Variants in RIMS1 observed in about 807,000 individuals in gnomAD.
RIMS1 encodes the protein regulating synaptic membrane exocytosis protein 1.
Under a neutral mutation model 214.1 loss-of-function variants are expected in RIMS1, and 83 were observed. That is an observed-to-expected ratio of 0.39 (90% CI 0.32 to 0.47). RIMS1 has a LOEUF of 0.47. Ranked by LOEUF, RIMS1 falls within the 20% of genes least tolerant of loss-of-function variation. The pLI is 0.99. For missense variants in RIMS1, 2,050 were observed against 2,161.8 expected, an observed-to-expected ratio of 0.95 and a Z score of 1.03; for synonymous variants, 793 against 786.8, an observed-to-expected ratio of 1.01 and a Z score of -0.13.
chr6:71,904,922 T>A (rs1343874745), intron 1 of RIMS1, among the ~76,000 whole-genome samples: 1 of 152,164 alleles, frequency 6.6e-6, no homozygotes, highest in East Asian at 1.9e-4. Context: ...TTGAAAGGTT[T>A]GGTTTCATGA....
At chr6:72,285,970 G>A (rs1332492558) in intron 24 of RIMS1, among the ~76,000 whole-genome samples, 2 of 152,058 alleles carry the variant, frequency 1.3e-5, no homozygotes, top group Non-Finnish European at 2.9e-5. Flanking sequence ...GGCCAAGGCG[G>A]GCAGATCATC....
chr6:72,356,316 A>T lies in RIMS1; in HGVS notation c.4366+22481A>T, dbSNP rs187619161. Reference sequence around the variant, plus strand: ...TGCCAAGGTAAGTTTAAAAAAAAAAAAAATGATGTTCTGTGTTTCTTAAAC... The same window carrying T: ...TGCCAAGGTAAGTTTAAAAAAAAAATAAATGATGTTCTGTGTTTCTTAAAC... On this transcript the variant is annotated intron_variant, in intron 29 of 33. Transcript: ENST00000521978. Among the ~76,000 whole-genome samples, 1,141 of 152,294 alleles carry T rather than the reference A, an allele frequency of 7.5e-3. 15 individuals carry two copies. The highest frequency in any genetic ancestry group is 0.026 in the African/African-American group (1,092 of 41,562).
intron 7 of RIMS1, 101 bp downstream of exon 7, chr6:72,233,941 A>AG: frequency 1.3e-6 from 1 of 748,770 alleles, no homozygotes; most frequent in Middle Eastern, 2.3e-4. Flanking sequence ...TCATTTGGTA[A>AG]GGGCAAATAT....
intron 2 of RIMS1, among the ~76,000 whole-genome samples, chr6:72,008,933 A>G (rs914157530): frequency 1.3e-5 from 2 of 152,180 alleles, no homozygotes; most frequent in Non-Finnish European, 2.9e-5. Context: ...AAAGTTAACA[A>G]GGATACCCAG....
rs1781377928 is a variant in RIMS1 at position 71,925,688 on chromosome 6, G to A, written c.164+38501G>A. Among the ~76,000 whole-genome samples the A allele has an allele frequency of 2.0e-5, 3 of 152,162 alleles. No homozygotes were observed. In the South Asian group the frequency reaches 6.2e-4, roughly 32 times the overall value. ...GTGGGAAAGGCAAAGGTGCAAAATG[G>A]TCCAGCTGTTTAAGTTAGTGACTGG... is the stretch of plus-strand genomic sequence containing the variant. On this transcript the variant is annotated intron_variant, in intron 1 of 33. Transcript: ENST00000521978.
In RIMS1 at chr6:72,105,549, A is replaced by G. The variant is rs551838754; in HGVS notation, c.471+5563A>G. Among the ~76,000 whole-genome samples the G allele has an allele frequency of 4.6e-5, 7 of 152,300 alleles. No homozygotes were observed. The East Asian group carries it at 1.3e-3, about 29-fold the overall frequency. ...AACTCATTCATTTATTCATTTATTC[A>G]GGGATTTTTAATTTAATTTTATTAT... On this transcript the variant is annotated intron_variant, in intron 4 of 33. Coordinates refer to ENST00000521978, the MANE Select transcript of RIMS1 (RefSeq NM_014989.7).
At chr6:71,900,273 G>A (rs953210723) in intron 1 of RIMS1, among the ~76,000 whole-genome samples, 2 of 151,990 alleles carry the variant, frequency 1.3e-5, no homozygotes, top group Non-Finnish European at 2.9e-5. Flanking sequence ...CCAGTCTTGT[G>A]GAAGAGGAAA....
intron 24 of RIMS1, 48 bp downstream of exon 24, chr6:72,284,166 AT>A: frequency 6.8e-7 from 1 of 1,466,474 alleles, no homozygotes; most frequent in Non-Finnish European, 9.5e-7. Flanking sequence ...TTAGGAATAT[AT>A]TTAGGGGTGC....
chr6:72,295,715 T>G (rs1215073680), intron 26 of RIMS1, among the ~76,000 whole-genome samples: 1 of 151,858 alleles, frequency 6.6e-6, no homozygotes, highest in African/African-American at 2.4e-5. Flanking sequence ...TGTTTTTGTT[T>G]CATTTTAAAT....
chr6:72,328,601 C>G (rs937165155), intron 28 of RIMS1, among the ~76,000 whole-genome samples: 2 of 151,632 alleles, frequency 1.3e-5, no homozygotes, highest in African/African-American at 4.8e-5. Context: ...ACAACTATCC[C>G]TATGGTATAC....
chr6:72,041,501 A>G (rs1467507514), intron 2 of RIMS1, among the ~76,000 whole-genome samples: 1 of 151,892 alleles, frequency 6.6e-6, no homozygotes, highest in African/African-American at 2.4e-5. Flanking sequence ...CTCTTTTCTT[A>G]GGTTGTATCT....
intron 29 of RIMS1, among the ~76,000 whole-genome samples, chr6:72,385,582 G>A (rs148317412): frequency 6.6e-6 from 1 of 152,322 alleles, no homozygotes; most frequent in African/African-American, 2.4e-5. Context: ...TTCTAATTCA[G>A]CTTTTGCTGC....
At chr6:71,990,103 C>T (rs1013022256) in intron 2 of RIMS1, among the ~76,000 whole-genome samples, 1 of 152,152 alleles carries the variant, frequency 6.6e-6, no homozygotes, top group African/African-American at 2.4e-5. Context: ...TAATTCCTAC[C>T]TCCTATCACA....
chr6:71,970,651 G>T (rs1042656609), intron 2 of RIMS1, among the ~76,000 whole-genome samples: 3 of 152,180 alleles, frequency 2.0e-5, no homozygotes, highest in Admixed American at 6.5e-5. Flanking sequence ...CTTCCCTGTG[G>T]CTCTTTGAGT....
intron 1 of RIMS1, among the ~76,000 whole-genome samples, chr6:71,894,049 T>A (rs1288502268): frequency 1.3e-5 from 2 of 152,220 alleles, no homozygotes. Flanking sequence ...AATCAAGCAA[T>A]TAACAGTGTT....
rs114965267 is a variant in RIMS1 at position 72,296,043 on chromosome 6, T to C, written c.3850+3997T>C. ...ATAATATACAAGAGTTATATAACTG[T>C]ATTTATTGAAATAATGAGCAAAATT... On this transcript the variant is annotated intron_variant, in intron 26 of 33. Transcript: ENST00000521978. The C allele has an allele frequency of 2.9e-3, 536 of 187,638 alleles. 4 individuals are homozygous for C. Among genetic ancestry groups the C allele is most frequent in the African/African-American group, 0.012 (500 of 42,178 alleles). 11.6% of individuals were successfully genotyped at this position (187,638 alleles called of 1,614,324 possible).
intron 4 of RIMS1, among the ~76,000 whole-genome samples, chr6:72,153,971 G>A (rs1057102263): frequency 6.6e-6 from 1 of 152,116 alleles, no homozygotes; most frequent in African/African-American, 2.4e-5. Context: ...AGGAGGAGAT[G>A]CTATTGAGAA....
At chr6:72,301,919 C>A (rs2094648414) in intron 26 of RIMS1, among the ~76,000 whole-genome samples, 1 of 151,346 alleles carries the variant, frequency 6.6e-6, no homozygotes, top group Non-Finnish European at 1.5e-5. Flanking sequence ...CTCGTGATAC[C>A]TATAGTCAAT....
intron 19 of RIMS1, chr6:72,264,052 G>T (rs2079307465): frequency 6.1e-6 from 5 of 822,916 alleles, no homozygotes; most frequent in Non-Finnish European, 7.3e-6. Context: ...AGTTTTAAGG[G>T]ATTTCCTTTG....
Sources: gnomAD v4.1 joint callset for allele counts (sites outside exome capture counted in the v4.1 genomes callset) on GRCh38, gnomAD v4.1.1 for gene constraint, MANE v1.5 for transcripts, NCBI Gene and HGNC (gene_info 2026-07-23, HGNC 2026-07-21) for gene names.